The following SMCO1 variants were observed in gnomAD, a reference collection of about 807,000 sequenced individuals.
The protein encoded by SMCO1 is single-pass membrane and coiled-coil domain-containing protein 1.
SMCO1 carries 9 observed loss-of-function variants against 7.5 expected under a neutral mutation model. The observed-to-expected ratio is 1.20, with a 90% CI of 0.72 to 2.09. The LOEUF (loss-of-function observed/expected upper bound fraction) is 2.09. SMCO1 is among the 30% of genes most tolerant of loss of function. The probability of loss-of-function intolerance (pLI) is 0.00; values close to 1 mark genes in which losing one functional copy is unlikely to be tolerated. For missense variants in SMCO1, 219 were observed against 253.1 expected (o/e 0.87, Z 0.91); for synonymous variants, 90 against 93.8 (o/e 0.96, Z 0.23).
rs1733076577 is a variant in SMCO1 at position 196,507,508 on chromosome 3, T to C, written c.*379A>G. 1 of 152,424 alleles carries C rather than the reference T, an allele frequency of 6.6e-6. No individual in the cohort carries two copies. The highest frequency in any genetic ancestry group is 2.4e-5 in the African/African-American group (1 of 41,462). 9.4% of individuals were successfully genotyped at this position (152,424 alleles called of 1,614,324 possible). On this transcript the variant is annotated 3_prime_UTR_variant, in exon 3 of 3. Coordinates refer to ENST00000397537, the MANE Select transcript of SMCO1 (RefSeq NM_001077657.3). ...TGTCTTTGACCCCTAGCCTCTTAGC[T>C]TTCTTTCCTGACAACTAATGTTATC... is the stretch of plus-strand genomic sequence containing the variant.
chr3:196,515,237 AAAAC>A lies in SMCO1; in HGVS notation c.-32_-29del. ...TCTGAAGGCAAAAGGAAAGAAAACAAAAACAAAGCAAAACAAAAAAAGCAATAAA... is the reference window on the plus strand; with the variant it reads ...TCTGAAGGCAAAAGGAAAGAAAACAAAAAGCAAAACAAAAAAAGCAATAAA... On this transcript the variant is annotated 5_prime_UTR_variant, in exon 1 of 3. Coordinates refer to ENST00000397537, the MANE Select transcript of SMCO1 (RefSeq NM_001077657.3). 1.3e-6 allele frequency: 2 copies of A among 1,531,418 alleles called. No homozygotes were observed. Among genetic ancestry groups the A allele is most frequent in the South Asian group, 2.3e-5 (2 of 88,632 alleles). 94.9% of individuals were successfully genotyped at this position (1,531,418 alleles called of 1,614,324 possible).
chr3:196,511,247 T>G (rs1733219342), intron 1 of SMCO1, among the ~76,000 whole-genome samples: 1 of 139,720 alleles, frequency 7.2e-6, no homozygotes, highest in South Asian at 2.2e-4. Context: ...ATTGTCCTTA[T>G]GAGGGAAACC....
At chr3:196,509,182 T>C (rs1733145465) in intron 2 of SMCO1, among the ~76,000 whole-genome samples, 1 of 148,880 alleles carries the variant, frequency 6.7e-6, no homozygotes, top group Non-Finnish European at 1.5e-5. Flanking sequence ...CCCGAGTAGT[T>C]GGGACTACAG....
At chr3:196,518,882 C>T (rs1356712866), upstream of SMCO1, among the ~76,000 whole-genome samples, 1 of 152,202 alleles carries the variant, frequency 6.6e-6, no homozygotes, top group Non-Finnish European at 1.5e-5. Context: ...CCCCCAATAC[C>T]CATGGGTCAC....
At chr3:196,509,216 A>ATTTTTT (rs35933912) in intron 2 of SMCO1, among the ~76,000 whole-genome samples, 5 of 108,022 alleles carry the variant, frequency 4.6e-5, no homozygotes, top group Non-Finnish European at 7.4e-5. Context: ...CACCCGGCTA[A>ATTTTTT]TTTTTTTTTT....
At chr3:196,515,788 C>A (rs1733367891), upstream of SMCO1, among the ~76,000 whole-genome samples, 1 of 151,098 alleles carries the variant, frequency 6.6e-6, no homozygotes, top group Non-Finnish European at 1.5e-5. Flanking sequence ...ATTGCTTGAG[C>A]CCAGGAATTC....
chr3:196,516,411 T>A (rs1733390732), upstream of SMCO1, among the ~76,000 whole-genome samples: 1 of 151,918 alleles, frequency 6.6e-6, no homozygotes, highest in Non-Finnish European at 1.5e-5. Context: ...ACTGGAGAAA[T>A]TGTGTGAGCA....
At chr3:196,517,633 C>T (rs567868431), upstream of SMCO1, among the ~76,000 whole-genome samples, 2 of 151,510 alleles carry the variant, frequency 1.3e-5, no homozygotes. Context: ...TGTGCCTTCC[C>T]CTATGCATCA....
Position 196,508,100 on chromosome 3 carries a change from A to G in SMCO1, c.432T>C (p.Ile144=). Residue 144 remains isoleucine (I), a synonymous_variant, in exon 3 of 3, where the codon ATT becomes ATC. Transcript: ENST00000397537. ...AGTGTTCTGCCTTGTTACCACGTGC[A>G]ATAAAGAAGGTACAAAGTGCTGTGA... ...GDITALCTFF[I]ARGNKAEHYT... 1 of 1,614,154 alleles carries G rather than the reference A, an allele frequency of 6.2e-7. No individual in the cohort carries two copies. Among genetic ancestry groups the G allele is most frequent in the Non-Finnish European group, 8.5e-7 (1 of 1,180,018 alleles).
intron 1 of SMCO1, among the ~76,000 whole-genome samples, chr3:196,511,709 GCCGC>G (rs1733239104): frequency 1.8e-5 from 1 of 56,950 alleles, no homozygotes; most frequent in Non-Finnish European, 3.2e-5. Flanking sequence ...ACCTGCCTGG[GCCGC>G]CTAGATTGTC....
chr3:196,514,843 G>A (rs1379398080), intron 1 of SMCO1, among the ~76,000 whole-genome samples: 1 of 152,328 alleles, frequency 6.6e-6, no homozygotes, highest in East Asian at 1.9e-4. Context: ...CCGGGTTCAA[G>A]TGATTCTCCT....
At chr3:196,513,627 C>CAAAAA (rs63105160) in intron 1 of SMCO1, among the ~76,000 whole-genome samples, 6 of 93,758 alleles carry the variant, frequency 6.4e-5, no homozygotes, top group Non-Finnish European at 1.0e-4. Context: ...GACTCTGTCT[C>CAAAAA]AAAAAAAAAA....
upstream of SMCO1, among the ~76,000 whole-genome samples, chr3:196,517,025 G>A (rs1358290948): frequency 6.7e-6 from 1 of 150,232 alleles, no homozygotes; most frequent in Non-Finnish European, 1.5e-5. Flanking sequence ...CTCAAACCCG[G>A]GAGGTGGAGG....
chr3:196,519,880 C>T (rs989209871), upstream of SMCO1, among the ~76,000 whole-genome samples: 3 of 152,108 alleles, frequency 2.0e-5, no homozygotes, highest in Non-Finnish European at 2.9e-5. Flanking sequence ...CCTACAACCA[C>T]GGGCGGCACA....
At chr3:196,513,289 CA>C (rs1164536725) in intron 1 of SMCO1, among the ~76,000 whole-genome samples, 2 of 150,444 alleles carry the variant, frequency 1.3e-5, no homozygotes, top group African/African-American at 4.9e-5. Flanking sequence ...GTGATCATGC[CA>C]CTGCACTCAG....
At chr3:196,508,434 C>A (rs1236532545) in intron 2 of SMCO1, 103 bp from the exon 3 acceptor site, 26 of 817,456 alleles carry the variant, frequency 3.2e-5, no homozygotes, top group Non-Finnish European at 4.3e-5. Context: ...ACTAGGAGAA[C>A]CAGCTGTTGT....
chr3:196,513,524 G>A (rs1415532556), intron 1 of SMCO1, among the ~76,000 whole-genome samples: 1 of 151,210 alleles, frequency 6.6e-6, no homozygotes. Context: ...AGTTACTCAG[G>A]AGGCTGAGGC....
In SMCO1 at chr3:196,508,318, C is replaced by T. The variant is rs1733112587; in HGVS notation, c.214G>A (p.Glu72Lys). ...AVRALQLTSM[E>K]LNILYSYVIE... ...ACGTAGCTGTATAAAATATTCAATT[C>T]CATTGAAGTGAGCCTACAAAAAATA... Residue 72 changes from glutamate to lysine, a missense_variant, in exon 3 of 3, where the codon GAA (glutamate) becomes AAA (lysine). Coordinates refer to ENST00000397537, the MANE Select transcript of SMCO1 (RefSeq NM_001077657.3). 6.3e-7 allele frequency: 1 copy of T among 1,598,504 alleles called. No individual in the cohort carries two copies. Among genetic ancestry groups the T allele is most frequent in the African/African-American group, 1.3e-5 (1 of 74,196 alleles).
upstream of SMCO1, among the ~76,000 whole-genome samples, chr3:196,517,104 C>CAAAAAAAAAAAAAAAAAA (rs56104987): frequency 8.4e-5 from 3 of 35,736 alleles, no homozygotes; most frequent in African/African-American, 4.9e-4. Flanking sequence ...GACTCCATCG[C>CAAAAAAAAAAAAAAAAAA]AAAAAAAAAA....
Sources: gnomAD v4.1 joint callset for allele counts (sites outside exome capture counted in the v4.1 genomes callset) on GRCh38, gnomAD v4.1.1 for gene constraint, MANE v1.5 for transcripts, NCBI Gene and HGNC (gene_info 2026-07-23, HGNC 2026-07-21) for gene names.